CCDC122: variants seen among roughly 807,000 people sequenced by gnomAD.
CCDC122 encodes the protein coiled-coil domain-containing protein 122.
CCDC122 carries 38 observed loss-of-function variants against 37.0 expected under a neutral mutation model. The ratio of observed to expected loss-of-function variants is 1.03; its 90% CI spans 0.79 to 1.35. The LOEUF (loss-of-function observed/expected upper bound fraction) is 1.35. Ranked by LOEUF, CCDC122 falls within the 40% of genes most tolerant of loss-of-function variation. CCDC122 has a pLI of 0.00. For synonymous variants in CCDC122, 83 were observed against 95.6 expected (o/e 0.87, Z 0.77); for missense variants, 305 against 310.0 (o/e 0.98, Z 0.12).
chr13:43,850,014 G>A (rs539822120), intron 6 of CCDC122, among the ~76,000 whole-genome samples: 10 of 152,328 alleles, frequency 6.6e-5, no homozygotes, highest in African/African-American at 2.4e-4. Flanking sequence ...TAGAGAGTCA[G>A]GACTTTCACC....
intron 3 of CCDC122, among the ~76,000 whole-genome samples, chr13:43,830,366 C>T (rs971202624): frequency 2.6e-5 from 4 of 151,998 alleles, no homozygotes; most frequent in Non-Finnish European, 4.4e-5. Context: ...TCTTGTAAGG[C>T]GACTTAGTTT....
At chr13:43,837,936 A>G (rs1953219730) in intron 6 of CCDC122, among the ~76,000 whole-genome samples, 2 of 152,186 alleles carry the variant, frequency 1.3e-5, no homozygotes, top group Non-Finnish European at 1.5e-5. Flanking sequence ...TTTTGTAACA[A>G]TAGCTGAGAC....
At chr13:43,854,606 C>G (rs544798371) in intron 6 of CCDC122, 1 of 152,272 alleles carries the variant, frequency 6.6e-6, no homozygotes, top group South Asian at 2.1e-4. Context: ...GGAGGATGGA[C>G]TCCTCCCTAA....
intron 6 of CCDC122, among the ~76,000 whole-genome samples, chr13:43,851,272 A>G (rs1387906233): frequency 6.6e-6 from 1 of 152,238 alleles, no homozygotes; most frequent in Non-Finnish European, 1.5e-5. Flanking sequence ...AATAAAGCAA[A>G]ACTATGAGTA....
intron 1 of CCDC122, among the ~76,000 whole-genome samples, chr13:43,878,481 C>T (rs1954733384): frequency 6.6e-6 from 1 of 152,110 alleles, no homozygotes; most frequent in Non-Finnish European, 1.5e-5. Flanking sequence ...ACATGCCTAC[C>T]CCAGAGGGCT....
downstream of CCDC122, among the ~76,000 whole-genome samples, chr13:43,833,973 C>T (rs956918376): frequency 2.6e-5 from 4 of 152,156 alleles, no homozygotes; most frequent in Admixed American, 1.3e-4. Context: ...CTTCAATTTT[C>T]TAATATTAGA....
At chr13:43,878,983 G>A (rs1213135371) in intron 1 of CCDC122, among the ~76,000 whole-genome samples, 1 of 152,050 alleles carries the variant, frequency 6.6e-6, no homozygotes, top group African/African-American at 2.4e-5. Context: ...AGCCCTGCAT[G>A]GGAAAAGCTG....
intron 4 of CCDC122, among the ~76,000 whole-genome samples, chr13:43,861,340 T>TC (rs1187946849): frequency 6.6e-6 from 1 of 152,192 alleles, no homozygotes; most frequent in East Asian, 1.9e-4. Flanking sequence ...TGGAAGTGTG[T>TC]CCATCCATTA....
At chr13:43,836,144 A>G (rs1316899782), downstream of CCDC122, among the ~76,000 whole-genome samples, 1 of 152,244 alleles carries the variant, frequency 6.6e-6, no homozygotes, top group African/African-American at 2.4e-5. Flanking sequence ...TTTTAAAACC[A>G]TATCTTCCTA....
chr13:43,848,719 A>T (rs1167395278), intron 6 of CCDC122: 2 of 484,816 alleles, frequency 4.1e-6, no homozygotes, highest in Non-Finnish European at 5.4e-6. Flanking sequence ...ATTCAAAAAA[A>T]CATTTTTTAT....
At chr13:43,846,347 T>C (rs932123543) in intron 6 of CCDC122, among the ~76,000 whole-genome samples, 2 of 152,208 alleles carry the variant, frequency 1.3e-5, no homozygotes, top group Admixed American at 1.3e-4. Context: ...GTGTTGGGAT[T>C]ACAGGCATGA....
In CCDC122 at chr13:43,868,759, C is replaced by T. The variant is rs1285179494; in HGVS notation, c.91G>A (p.Ala31Thr). 6.4e-7 allele frequency: 1 copy of T among 1,563,684 alleles called. No homozygotes were observed. Among genetic ancestry groups the T allele is most frequent in the Non-Finnish European group, 8.6e-7 (1 of 1,156,146 alleles). ...SSLADAVEKVAKQQQSQASEI... is the reference protein window; with the variant it reads ...SSLADAVEKVTKQQQSQASEI... Reference sequence around the variant, plus strand: ...GATGCTTGTGATTGTTGTTGCTTTGCAACTTTCTCTACAGCATCAGCTAAT... The same window carrying T: ...GATGCTTGTGATTGTTGTTGCTTTGTAACTTTCTCTACAGCATCAGCTAAT... Residue 31 changes from alanine to threonine, a missense_variant, in exon 4 of 7, where the codon GCA (alanine) becomes ACA (threonine). Physicochemically the swap from Ala to Thr is moderately conservative, Grantham distance 58. Coordinates refer to ENST00000444614, the MANE Select transcript of CCDC122 (RefSeq NM_144974.5).
intron 6 of CCDC122, among the ~76,000 whole-genome samples, chr13:43,850,020 TC>T (rs1162027546): frequency 1.3e-5 from 2 of 152,182 alleles, no homozygotes; most frequent in African/African-American, 4.8e-5. Flanking sequence ...GTCAGGACTT[TC>T]ACCAGGACTC....
chr13:43,859,960 A>C lies in CCDC122; in HGVS notation c.267T>G (p.His89Gln). The C allele has an allele frequency of 6.2e-7, 1 of 1,610,904 alleles. No homozygotes were observed. Among genetic ancestry groups the C allele is most frequent in the Non-Finnish European group, 8.5e-7 (1 of 1,178,582 alleles). ...TGATTTGAGTTTCCAGGCTATCACAATGAAGTTTGGTATTCTCTATGGCAG... is the reference window on the plus strand; with the variant it reads ...TGATTTGAGTTTCCAGGCTATCACACTGAAGTTTGGTATTCTCTATGGCAG... ...QDSAIENTKL[H>Q]CDSLETQIKS... The change falls in exon 5 of 7, where the codon CAT becomes CAG. Residue 89 changes from histidine (H) to glutamine (Q), a missense_variant. Transcript: ENST00000444614.
At chr13:43,851,792 A>G (rs540370253) in intron 6 of CCDC122, among the ~76,000 whole-genome samples, 16 of 152,248 alleles carry the variant, frequency 1.1e-4, no homozygotes, top group African/African-American at 3.6e-4. Context: ...GGGGCCAGAG[A>G]ACAAAACTGG....
chr13:43,849,185 A>G, intron 6 of CCDC122: 4 of 546,782 alleles, frequency 7.3e-6, no homozygotes, highest in Non-Finnish European at 9.3e-6. Flanking sequence ...AAAAAGTTCA[A>G]AAGAATCTTA....
downstream of CCDC122, among the ~76,000 whole-genome samples, chr13:43,819,038 AT>A (rs60199473): frequency 0.02 from 3,016 of 152,320 alleles, 83 homozygotes; most frequent in African/African-American, 0.069. Flanking sequence ...AATTAAAAAA[AT>A]ATTTAGCAGA....
chr13:43,849,858 G>A (rs1312560257), intron 6 of CCDC122, among the ~76,000 whole-genome samples: 2 of 152,174 alleles, frequency 1.3e-5, no homozygotes, highest in African/African-American at 4.8e-5. Context: ...AGTTTTAACT[G>A]TGGAGCCAGG....
chr13:43,823,136 G>A (rs949918941), downstream of CCDC122, among the ~76,000 whole-genome samples: 14 of 152,128 alleles, frequency 9.2e-5, no homozygotes, highest in East Asian at 3.9e-4. Flanking sequence ...AGGGCCTAAG[G>A]ACTCCTTAGT....
Sources: allele counts gnomAD v4.1 joint callset (sites outside exome capture counted in the v4.1 genomes callset), GRCh38; gene constraint gnomAD v4.1.1; transcripts MANE v1.5; gene names NCBI Gene and HGNC (gene_info 2026-07-23, HGNC 2026-07-21).